Variants in DENND1A observed in about 807,000 individuals in gnomAD.
The protein encoded by DENND1A is DENN domain-containing protein 1A.
DENND1A carries 51 observed loss-of-function variants against 113.7 expected under a neutral mutation model. The ratio of observed to expected loss-of-function variants is 0.45; its 90% CI spans 0.36 to 0.57. DENND1A has a LOEUF of 0.57. DENND1A is among the 20% of genes least tolerant of loss of function. The pLI is 0.00. For synonymous variants in DENND1A, 565 were observed against 570.8 expected, an observed-to-expected ratio of 0.99 and a Z score of 0.14; for missense variants, 1,258 against 1,395.9, an observed-to-expected ratio of 0.90 and a Z score of 1.57.
At chr9:123,884,812 G>C (rs1848780591) in intron 1 of DENND1A, among the ~76,000 whole-genome samples, 1 of 152,074 alleles carries the variant, frequency 6.6e-6, no homozygotes, top group African/African-American at 2.4e-5. Flanking sequence ...CCAAGCAGCA[G>C]AATCAGCATG....
At chr9:123,604,579 T>G (rs748540387) in intron 11 of DENND1A, among the ~76,000 whole-genome samples, 1 of 152,204 alleles carries the variant, frequency 6.6e-6, no homozygotes, top group African/African-American at 2.4e-5. Context: ...TATACAGGAC[T>G]CAGCTCTTAG....
At chr9:123,743,320 G>T (rs2069175517) in intron 5 of DENND1A, among the ~76,000 whole-genome samples, 1 of 152,030 alleles carries the variant, frequency 6.6e-6, no homozygotes, top group East Asian at 1.9e-4. Flanking sequence ...AGAATCACTT[G>T]AACTCAGGAG....
At chr9:123,843,318 A>G (rs958012790) in intron 2 of DENND1A, 5 of 382,378 alleles carry the variant, frequency 1.3e-5, no homozygotes, top group Non-Finnish European at 2.6e-5. Context: ...TTCTCCTTCC[A>G]TGTAATTTTT....
At chr9:123,451,452 C>T (rs1588598184) in intron 17 of DENND1A, among the ~76,000 whole-genome samples, 1 of 152,322 alleles carries the variant, frequency 6.6e-6, no homozygotes, top group Non-Finnish European at 1.5e-5. Context: ...AACAGATGTG[C>T]TCTCCTATTT....
chr9:123,579,285 G>A (rs2058774058), intron 12 of DENND1A, among the ~76,000 whole-genome samples: 1 of 152,198 alleles, frequency 6.6e-6, no homozygotes, highest in Non-Finnish European at 1.5e-5. Context: ...AGATCACACG[G>A]ACATGAAGTG....
intron 11 of DENND1A, among the ~76,000 whole-genome samples, chr9:123,598,283 A>G (rs1249117681): frequency 2.0e-5 from 3 of 152,146 alleles, no homozygotes; most frequent in African/African-American, 7.2e-5. Context: ...CAGTGTCCAA[A>G]TGGTGCTGAA....
At chr9:123,820,655 C>CT (rs1254310359) in intron 2 of DENND1A, among the ~76,000 whole-genome samples, 1 of 152,018 alleles carries the variant, frequency 6.6e-6, no homozygotes, top group African/African-American at 2.4e-5. Context: ...TTTTGGGGTA[C>CT]TTTTTTTCTT....
At chr9:123,874,678 T>C (rs576402517) in intron 2 of DENND1A, among the ~76,000 whole-genome samples, 8 of 151,928 alleles carry the variant, frequency 5.3e-5, no homozygotes, top group African/African-American at 1.9e-4. Flanking sequence ...TAAGAAGGGG[T>C]TCAATCTCAT....
intron 5 of DENND1A, among the ~76,000 whole-genome samples, chr9:123,697,427 G>A (rs1383880085): frequency 3.3e-5 from 5 of 152,074 alleles, no homozygotes; most frequent in African/African-American, 1.2e-4. Flanking sequence ...GGTACAGGTG[G>A]TACTTGGTTA....
chr9:123,524,286 C>T (rs1164432372), intron 13 of DENND1A, among the ~76,000 whole-genome samples: 1 of 152,228 alleles, frequency 6.6e-6, no homozygotes, highest in African/African-American at 2.4e-5. Flanking sequence ...ACGAATCATG[C>T]TGTCAACAAT....
chr9:123,886,585 ACG>A (rs1369894909), intron 1 of DENND1A, among the ~76,000 whole-genome samples: 1 of 152,220 alleles, frequency 6.6e-6, no homozygotes, highest in Non-Finnish European at 1.5e-5. Context: ...ACACTTCAGA[ACG>A]CACTAGCAAA....
chr9:123,504,771 T>G (rs1163385930), intron 13 of DENND1A, among the ~76,000 whole-genome samples: 1 of 152,140 alleles, frequency 6.6e-6, no homozygotes, highest in African/African-American at 2.4e-5. Context: ...TCCCTACAGC[T>G]CTGTGGACTA....
At chr9:123,439,821 T>A (rs1011076421) in intron 19 of DENND1A, 1 of 152,126 alleles carries the variant, frequency 6.6e-6, no homozygotes, top group African/African-American at 2.4e-5. Context: ...GGAAAAAAAA[T>A]TAAATAGACA....
intron 2 of DENND1A, among the ~76,000 whole-genome samples, chr9:123,869,272 A>G (rs771452954): frequency 6.6e-6 from 1 of 152,184 alleles, no homozygotes; most frequent in Non-Finnish European, 1.5e-5. Context: ...CTAGCTACCA[A>G]AGCATACAAG....
At position 123,827,051 on chromosome 9, in the gene DENND1A, G is replaced by A. The variant is rs551973092; in HGVS notation, c.89-34421C>T. On this transcript the variant is annotated intron_variant, in intron 2 of 23. Transcript: ENST00000394215. Reference sequence around the variant, plus strand: ...CTTAAAAAAAATCAAAGCTTGTAATGTATGACAAATTCCTGAAAAAATATT... The same window carrying A: ...CTTAAAAAAAATCAAAGCTTGTAATATATGACAAATTCCTGAAAAAATATT... Among the ~76,000 whole-genome samples the A allele has an allele frequency of 3.9e-5, 6 of 152,208 alleles. No homozygotes were observed. The East Asian group carries it at 1.2e-3, about 29-fold the overall frequency.
intron 2 of DENND1A, among the ~76,000 whole-genome samples, chr9:123,833,248 G>A (rs1840554665): frequency 6.6e-6 from 1 of 150,848 alleles, no homozygotes; most frequent in Admixed American, 6.6e-5. Flanking sequence ...GCTTACTAAT[G>A]TTCTATGTCT....
intron 10 of DENND1A, among the ~76,000 whole-genome samples, chr9:123,614,648 G>A (rs930693697): frequency 2.0e-5 from 3 of 152,018 alleles, no homozygotes; most frequent in African/African-American, 7.2e-5. Context: ...GGAAACAAGG[G>A]AGAGGCGGTC....
intron 13 of DENND1A, among the ~76,000 whole-genome samples, chr9:123,476,410 T>C (rs1372062976): frequency 6.6e-6 from 1 of 152,170 alleles, no homozygotes; most frequent in Non-Finnish European, 1.5e-5. Flanking sequence ...CAGCCTTCCA[T>C]GGTGTTCTAG....
rs577927614 is a variant in DENND1A at position 123,743,363 on chromosome 9, T to G, written c.302+14340A>C. ...CTGCAGTGAGCCGAGATCGTGCCACTGCACTCCAGCCTGAGCGATGGAGTA... is the reference window on the plus strand; with the variant it reads ...CTGCAGTGAGCCGAGATCGTGCCACGGCACTCCAGCCTGAGCGATGGAGTA... On this transcript the variant is annotated intron_variant, in intron 5 of 23. Coordinates refer to ENST00000394215, the MANE Select transcript of DENND1A (RefSeq NM_001352964.2). 4.6e-5 allele frequency among the ~76,000 whole-genome samples: 7 copies of G among 151,682 alleles called. No individual in the cohort carries two copies. In the East Asian group the frequency reaches 1.4e-3, roughly 30 times the overall value.
Sources: allele counts gnomAD v4.1 joint callset (sites outside exome capture counted in the v4.1 genomes callset), GRCh38; gene constraint gnomAD v4.1.1; transcripts MANE v1.5; gene names NCBI Gene and HGNC (gene_info 2026-07-23, HGNC 2026-07-21).